The following ASS1 variants were observed in gnomAD, a reference collection of about 807,000 sequenced individuals.
ASS1 encodes argininosuccinate synthase.
ASS1 carries 58 observed loss-of-function variants against 60.5 expected under a neutral mutation model. The observed-to-expected ratio is 0.96, with a 90% confidence interval of 0.78 to 1.19. The LOEUF (loss-of-function observed/expected upper bound fraction) is 1.19, where lower values mean the gene tolerates loss of function less well. Ranked by LOEUF, ASS1 falls within the 50% of genes most tolerant of loss-of-function variation. The probability of loss-of-function intolerance (pLI) is 0.00; values close to 1 mark genes in which losing one functional copy is unlikely to be tolerated. For missense variants in ASS1, 454 were observed against 547.3 expected, an observed-to-expected ratio of 0.83 and a Z score of 1.70; for synonymous variants, 200 against 206.9, an observed-to-expected ratio of 0.97 and a Z score of 0.29.
intron 8 of ASS1, 102 bp downstream of exon 8, chr9:130,471,617 CGGG>C: frequency 7.0e-7 from 1 of 1,432,654 alleles, no homozygotes; most frequent in Non-Finnish European, 9.8e-7. Context: ...TGAAATTTCA[CGGG>C]GGCCAGCCGT....
In ASS1 at chr9:130,476,879, G is replaced by T; in HGVS notation, c.606G>T (p.Ala202=). ...TTTCTGTCTTTTTTCAGAACCAAGC[G>T]CCTCCAGGTCTCTACACGAAGACCC... ...AGILENPKNQ[A]PPGLYTKTQD... is the part of the protein sequence containing the mutation. The change falls in exon 9 of 15, where the codon GCG becomes GCT. Residue 202 remains alanine (A), a synonymous_variant. Coordinates refer to ENST00000352480, the MANE Select transcript of ASS1 (RefSeq NM_054012.4). The surrounding 1 kb of genome is among the most constrained non-coding windows in gnomAD (Gnocchi z 4.9). 6.2e-7 allele frequency: 1 copy of T among 1,613,934 alleles called. No homozygotes were observed. The highest frequency in any genetic ancestry group is 8.5e-7 in the Non-Finnish European group (1 of 1,179,952).
chr9:130,476,888 T>G lies in ASS1; in HGVS notation c.615T>G (p.Gly205=). 1 of 1,613,614 alleles carries G rather than the reference T, an allele frequency of 6.2e-7. No homozygotes were observed. Among genetic ancestry groups the G allele is most frequent in the Non-Finnish European group, 8.5e-7 (1 of 1,179,880 alleles). The change falls in exon 9 of 15, where the codon GGT becomes GGG. Residue 205 remains glycine, a synonymous_variant. Transcript: ENST00000352480. The surrounding 1 kb of genome is among the most constrained non-coding windows in gnomAD (Gnocchi z 4.9). Reference sequence around the variant, plus strand: ...TTTTTCAGAACCAAGCGCCTCCAGGTCTCTACACGAAGACCCAGGACCCAG... The same window carrying G: ...TTTTTCAGAACCAAGCGCCTCCAGGGCTCTACACGAAGACCCAGGACCCAG... ...LENPKNQAPP[G]LYTKTQDPAK... is the part of the protein sequence containing the mutation.
In ASS1 at chr9:130,484,413, CT is replaced by C. The variant is rs1425014849; in HGVS notation, c.838+3965del. Reference sequence around the variant, plus strand: ...TGGTCCACTCTCCCCCCAGCCACCCCTGGCCACCCCTAGATCCTTGCCCGTC... The same window carrying C: ...TGGTCCACTCTCCCCCCAGCCACCCCGGCCACCCCTAGATCCTTGCCCGTC... On this transcript the variant is annotated intron_variant, in intron 11 of 14. Coordinates refer to ENST00000352480, the MANE Select transcript of ASS1 (RefSeq NM_054012.4). 2.0e-5 allele frequency among the ~76,000 whole-genome samples: 3 copies of C among 152,060 alleles called. No homozygotes were observed. In the East Asian group the frequency reaches 5.8e-4, roughly 29 times the overall value.
rs569002671 is a variant in ASS1, at chr9:130,478,607, G to C, written c.689-1109G>C. Among the ~76,000 whole-genome samples, 1 of 152,330 alleles carries C rather than the reference G, an allele frequency of 6.6e-6. No individual in the cohort carries two copies. Among genetic ancestry groups the C allele is most frequent in the African/African-American group, 2.4e-5 (1 of 41,580 alleles). On this transcript the variant is annotated intron_variant, in intron 9 of 14. Coordinates refer to ENST00000352480, the MANE Select transcript of ASS1 (RefSeq NM_054012.4). This position sits in a 1 kb window ranked among gnomAD's most constrained non-coding sequence, Gnocchi z 4.7. ...AATTATTAACTATTTTAAAGGCTAA[G>C]AGGCTTTCTCCAGCAGCAGCACCAA... is the stretch of plus-strand genomic sequence containing the variant.
intron 1 of ASS1, chr9:130,451,614 A>T (rs2131866733): frequency 2.8e-6 from 1 of 351,246 alleles, no homozygotes. Flanking sequence ...GGGCGGCGGC[A>T]CTGCGTGCTG....
intron 1 of ASS1, among the ~76,000 whole-genome samples, chr9:130,447,305 C>T (rs1845217828): frequency 6.6e-6 from 1 of 152,254 alleles, no homozygotes; most frequent in South Asian, 2.1e-4. Context: ...GGCCGCTTAG[C>T]CTCTGCCTCC....
At chr9:130,458,063 G>A (rs774098733) in intron 3 of ASS1, among the ~76,000 whole-genome samples, 1 of 152,006 alleles carries the variant, frequency 6.6e-6, no homozygotes, top group Non-Finnish European at 1.5e-5. Context: ...AGAGGCTGAG[G>A]CAGGGGAGTT....
Position 130,450,605 on chromosome 9 carries a change from G to A in ASS1, c.-5-1619G>A, listed in dbSNP as rs190094151. Among the ~76,000 whole-genome samples the A allele has an allele frequency of 6.0e-4, 92 of 152,326 alleles. 1 individual carries two copies. Among genetic ancestry groups the A allele is most frequent in the Admixed American group, 3.8e-3 (58 of 15,310 alleles). The stretch of plus-strand genomic sequence containing the variant: ...AGGGCAGCACAGGCCTGTGAGCCCC[G>A]GCTGACTGGCAGGTGGGACCGTGCA... On this transcript the variant is annotated intron_variant, in intron 1 of 14. Transcript: ENST00000352480.
chr9:130,455,194 A>T (rs934931898), intron 3 of ASS1, among the ~76,000 whole-genome samples: 1 of 148,960 alleles, frequency 6.7e-6, no homozygotes, highest in African/African-American at 2.5e-5. Flanking sequence ...TCATCCATCC[A>T]TCATCTACCC....
In ASS1 at chr9:130,501,208, T is replaced by TG. The variant is rs530492605; in HGVS notation, c.*193dup. 5 of 643,716 alleles carry TG rather than the reference T, an allele frequency of 7.8e-6. No homozygotes were observed. The highest frequency in any genetic ancestry group is 1.9e-5 in the African/African-American group (1 of 53,334). 39.9% of individuals were successfully genotyped at this position (643,716 alleles called of 1,614,324 possible). A position where few individuals can be genotyped will look rare whatever the true frequency, so the allele number is the denominator to read the frequency against. On this transcript the variant is annotated 3_prime_UTR_variant, in exon 15 of 15. Coordinates refer to ENST00000352480, the MANE Select transcript of ASS1 (RefSeq NM_054012.4). ...CAAACGTTGTCATCGAAGGGAAGGG[T>TG]GGGGGGCAGCTGCGGTGGGGAGCTA...
chr9:130,480,336 CTG>C, intron 10 of ASS1, 47 bp from the exon 11 acceptor site: 1 of 1,611,122 alleles, frequency 6.2e-7, no homozygotes, highest in Non-Finnish European at 8.5e-7. Context: ...GTGGGTGACT[CTG>C]AGCCTTGCGG....
intron 6 of ASS1, among the ~76,000 whole-genome samples, chr9:130,468,868 G>A (rs1845804828): frequency 1.3e-5 from 2 of 152,218 alleles, no homozygotes; most frequent in Admixed American, 1.3e-4. Context: ...TCTACATGTT[G>A]GAGATCGTTT....
intron 6 of ASS1, among the ~76,000 whole-genome samples, chr9:130,469,050 G>A (rs1460160864): frequency 6.6e-6 from 1 of 152,226 alleles, no homozygotes; most frequent in Non-Finnish European, 1.5e-5. Flanking sequence ...CCGCTGAGAA[G>A]GGAGGCAAAG....
intron 10 of ASS1, among the ~76,000 whole-genome samples, chr9:130,480,126 C>G (rs369564700): frequency 6.6e-6 from 1 of 152,364 alleles, no homozygotes; most frequent in Non-Finnish European, 1.5e-5. Flanking sequence ...CTAGGCAGGG[C>G]CCCAGGACAC....
At chr9:130,487,505 C>T (rs1440613649) in intron 11 of ASS1, among the ~76,000 whole-genome samples, 1 of 151,952 alleles carries the variant, frequency 6.6e-6, no homozygotes, top group African/African-American at 2.4e-5. Context: ...GGTCCTTTCC[C>T]AGGGCTGTGC....
intron 3 of ASS1, 107 bp from the exon 4 acceptor site, chr9:130,458,293 CG>C (rs1159399746): frequency 8.0e-7 from 1 of 1,250,518 alleles, no homozygotes; most frequent in African/African-American, 1.5e-5. Context: ...CCAGGTACAG[CG>C]GGGGTGGCCC....
rs113057692 is a variant in ASS1 at position 130,493,494 on chromosome 9, C to T, written c.971-1373C>T. Among the ~76,000 whole-genome samples the T allele has an allele frequency of 3.9e-3, 599 of 152,272 alleles. 6 individuals carry two copies. Among genetic ancestry groups the T allele is most frequent in the African/African-American group, 0.013 (556 of 41,556 alleles). Reference sequence around the variant, plus strand: ...GAGCAAGGACTCAACCTCTACTCTCCGTGCTTGGCCCTCCCCCGCCTCTGC... The same window carrying T: ...GAGCAAGGACTCAACCTCTACTCTCTGTGCTTGGCCCTCCCCCGCCTCTGC... On this transcript the variant is annotated intron_variant, in intron 12 of 14. Transcript: ENST00000352480.
chr9:130,497,836 G>A (rs10114424), intron 13 of ASS1, among the ~76,000 whole-genome samples: 49,022 of 152,124 alleles, frequency 0.32, 9,300 homozygotes, highest in Middle Eastern at 0.47. Context: ...TCTAAAACAA[G>A]GTCTGTTGAA....
rs398123131 is a variant in ASS1 at position 130,480,405 on chromosome 9, G to A, written c.794G>A (p.Arg265His). 6.8e-6 allele frequency: 11 copies of A among 1,614,178 alleles called. No homozygotes were observed. The highest frequency in any genetic ancestry group is 2.2e-5 in the East Asian group (1 of 44,890). Residue 265 changes from arginine (R) to histidine (H), a missense_variant, in exon 11 of 15, where the codon CGT (arginine) becomes CAT (histidine). Arg to His is a conservative substitution (Grantham distance 29, BLOSUM62 0). Transcript: ENST00000352480. ...CACAGGGGCAAGCATGGCGTGGGCC[G>A]TATTGACATCGTGGAGAACCGCTTC... ...NEVAGKHGVGRIDIVENRFIG... is the reference protein window; with the variant it reads ...NEVAGKHGVGHIDIVENRFIG...
Sources: allele counts gnomAD v4.1 joint callset (sites outside exome capture counted in the v4.1 genomes callset), GRCh38; gene constraint gnomAD v4.1.1; non-coding constraint Gnocchi (gnomAD v3.1); transcripts MANE v1.5; gene names NCBI Gene and HGNC (gene_info 2026-07-23, HGNC 2026-07-21).